Variants in FBN2 observed in about 807,000 individuals in gnomAD.
FBN2 encodes fibrillin-2.
A neutral mutation model predicts 355.6 loss-of-function variants in FBN2; 105 were observed. The observed-to-expected ratio is 0.30, with a 90% CI of 0.25 to 0.35. FBN2 has a LOEUF of 0.35. FBN2 is among the 10% of genes least tolerant of loss of function. The probability of loss-of-function intolerance (pLI) is 1.00; values close to 1 mark genes in which losing one functional copy is unlikely to be tolerated. For missense variants in FBN2, 3,280 were observed against 3,758.7 expected, an observed-to-expected ratio of 0.87 and a Z score of 3.33; for synonymous variants, 1,350 against 1,301.2, an observed-to-expected ratio of 1.04 and a Z score of -0.81.
intron 55 of FBN2, among the ~76,000 whole-genome samples, chr5:128,285,887 C>T (rs1749133742): frequency 1.3e-5 from 2 of 152,142 alleles, no homozygotes; most frequent in Non-Finnish European, 2.9e-5. Flanking sequence ...TTTAGCCAAT[C>T]TGATTAAACA....
At chr5:128,468,302 T>C (rs1186588994) in intron 5 of FBN2, among the ~76,000 whole-genome samples, 2 of 152,342 alleles carry the variant, frequency 1.3e-5, no homozygotes, top group Admixed American at 6.5e-5. Context: ...TAAATTTCCA[T>C]TGTATGGCTG....
chr5:128,472,546 C>T (rs1474803509), intron 5 of FBN2, among the ~76,000 whole-genome samples: 2 of 152,058 alleles, frequency 1.3e-5, no homozygotes, highest in Non-Finnish European at 2.9e-5. Flanking sequence ...AATCTCAGCA[C>T]TTTGGGAGGT....
chr5:128,287,920 T>C (rs1346179024), intron 53 of FBN2, among the ~76,000 whole-genome samples: 1 of 152,188 alleles, frequency 6.6e-6, no homozygotes, highest in Non-Finnish European at 1.5e-5. Flanking sequence ...TCAAGTGGCA[T>C]GACTGTACTA....
rs1751532352 is a variant in FBN2, at chr5:128,357,499, T to C, written c.2555-104A>G. ...CCAGAATGTCTGGTAAACTTGGCTCTGGTAATTTTAATATGGATCTATGAA... is the reference window on the plus strand; with the variant it reads ...CCAGAATGTCTGGTAAACTTGGCTCCGGTAATTTTAATATGGATCTATGAA... On this transcript the variant is annotated intron_variant, in intron 19 of 64. Coordinates refer to ENST00000262464, the MANE Select transcript of FBN2 (RefSeq NM_001999.4). The C allele has an allele frequency of 2.1e-6, 3 of 1,408,298 alleles. No homozygotes were observed. The East Asian group carries it at 6.9e-5, about 32-fold the overall frequency. 87.2% of individuals were successfully genotyped at this position (1,408,298 alleles called of 1,614,324 possible). A position where few individuals can be genotyped will look rare whatever the true frequency, so the allele number is the denominator to read the frequency against.
chr5:128,482,497 A>C (rs574599583), intron 5 of FBN2, among the ~76,000 whole-genome samples: 2 of 152,172 alleles, frequency 1.3e-5, no homozygotes, highest in East Asian at 3.8e-4. Flanking sequence ...CTTTTTTGCA[A>C]CCAAGACCCT....
rs760667569 is a variant in FBN2 at position 128,392,122 on chromosome 5, T to G, written c.1499A>C (p.His500Pro). 4.3e-6 allele frequency: 7 copies of G among 1,613,708 alleles called. 1 individual carries two copies. In the South Asian group the frequency reaches 7.7e-5, roughly 18 times the overall value. The change falls in exon 11 of 65, where the codon CAT becomes CCT. Residue 500 changes from histidine to proline, a missense_variant. Physicochemically the swap from His to Pro is moderately conservative, Grantham distance 77. This residue lies in a region of FBN2 where 343 missense variants were observed against 331.0 expected (regional missense o/e 1.04). Coordinates refer to ENST00000262464, the MANE Select transcript of FBN2 (RefSeq NM_001999.4). ...TCCATTTAAACAAAGGTTAGCATGA[T>G]GCTTACAGATATCTATTGTCTGGTT... ...ILNQTIDICK[H>P]HANLCLNGRC...
chr5:128,293,195 C>T (rs779777482), intron 48 of FBN2, among the ~76,000 whole-genome samples: 2 of 152,144 alleles, frequency 1.3e-5, no homozygotes, highest in Non-Finnish European at 2.9e-5. Context: ...AGATACTAGT[C>T]TGAAGAAAAT....
At chr5:128,526,809 T>C (rs992534342) in intron 4 of FBN2, among the ~76,000 whole-genome samples, 57 of 152,066 alleles carry the variant, frequency 3.7e-4, no homozygotes, top group African/African-American at 1.4e-3. Context: ...TGGATGGTGG[T>C]GATGGTTACA....
intron 5 of FBN2, among the ~76,000 whole-genome samples, chr5:128,512,512 CAA>C (rs1158661549): frequency 1.3e-4 from 8 of 60,684 alleles, no homozygotes; most frequent in Admixed American, 4.0e-4. Flanking sequence ...GAACCCGTCT[CAA>C]AAAAAAAAAA....
At chr5:128,405,178 G>A (rs1457316520) in intron 8 of FBN2, among the ~76,000 whole-genome samples, 1 of 152,130 alleles carries the variant, frequency 6.6e-6, no homozygotes, top group Non-Finnish European at 1.5e-5. Context: ...GGGTGACACA[G>A]CTAGACTCCA....
At chr5:128,350,031 A>C in intron 21 of FBN2, 26 bp from the exon 22 acceptor site, 1 of 1,589,304 alleles carries the variant, frequency 6.3e-7, no homozygotes, top group South Asian at 1.1e-5. Flanking sequence ...GACAAATTTT[A>C]CTTCATTATA....
At chr5:128,478,339 G>A (rs777782775) in intron 5 of FBN2, among the ~76,000 whole-genome samples, 4 of 152,130 alleles carry the variant, frequency 2.6e-5, no homozygotes, top group Non-Finnish European at 5.9e-5. Context: ...TTTGCTGTCA[G>A]CTTTTTAAAA....
At chr5:128,393,428 C>T (rs1752574022) in intron 9 of FBN2, 60 bp from the exon 10 acceptor site, 1 of 1,411,448 alleles carries the variant, frequency 7.1e-7, no homozygotes. Flanking sequence ...TAACAAAAGC[C>T]ATTGGTACAC....
rs757682009 is a variant in FBN2, at chr5:128,338,973, T to C, written c.3432A>G (p.Glu1144=). 8 of 1,613,986 alleles carry C rather than the reference T, an allele frequency of 5.0e-6. No individual in the cohort carries two copies. The Admixed American group carries it at 1.2e-4, about 24-fold the overall frequency. The change falls in exon 26 of 65, where the codon GAA becomes GAG. Residue 1144 remains glutamate (E), a synonymous_variant. Coordinates refer to ENST00000262464, the MANE Select transcript of FBN2 (RefSeq NM_001999.4). The stretch of plus-strand genomic sequence containing the variant: ...TCATCATGAAGCCACTTTCATAGCC[T>C]TCGAAGCACTCGCACTCAAAGCTGC... ...TPGSFECECF[E]GYESGFMMMK... is the part of the protein sequence containing the mutation.
rs191665573 is a variant in FBN2 at position 128,267,741 on chromosome 5, T to G, written c.7961-4085A>C. ...ATTAGACCTGTGTCAGATGGGTAGA[T>G]TGCAAACATTTTCTTCCATTCTGTA... On this transcript the variant is annotated intron_variant, in intron 62 of 64. Transcript: ENST00000262464. Among the ~76,000 whole-genome samples, 15 of 152,334 alleles carry G rather than the reference T, an allele frequency of 9.8e-5. No individual in the cohort carries two copies. The East Asian group carries it at 2.7e-3, about 27-fold the overall frequency.
At chr5:128,307,758 A>G (rs468200) in intron 41 of FBN2, among the ~76,000 whole-genome samples, 120,116 of 151,618 alleles carry the variant, frequency 0.79, 47,857 homozygotes, top group East Asian at 0.93. Context: ...GACTATAAGA[A>G]GTATTCTTAC....
At chr5:128,452,418 C>A (rs1432802537) in intron 6 of FBN2, among the ~76,000 whole-genome samples, 4 of 152,096 alleles carry the variant, frequency 2.6e-5, no homozygotes, top group African/African-American at 9.7e-5. Context: ...AATAATGTAA[C>A]AAAGCAACAA....
intron 36 of FBN2, among the ~76,000 whole-genome samples, chr5:128,317,633 T>C (rs1008395483): frequency 1.3e-5 from 2 of 152,020 alleles, no homozygotes; most frequent in Non-Finnish European, 2.9e-5. Flanking sequence ...TGGACAATTG[T>C]TTTTTTAAGA....
At chr5:128,384,117 A>G (rs758613094) in intron 11 of FBN2, among the ~76,000 whole-genome samples, 15 of 152,160 alleles carry the variant, frequency 9.9e-5, no homozygotes, top group Non-Finnish European at 5.9e-5. Context: ...AAAGAAATAA[A>G]TGATTTTTCC....
Sources: allele counts gnomAD v4.1 joint callset (sites outside exome capture counted in the v4.1 genomes callset), GRCh38; gene constraint gnomAD v4.1.1; regional missense constraint gnomAD v4.1.1; transcripts MANE v1.5; gene names NCBI Gene and HGNC (gene_info 2026-07-23, HGNC 2026-07-21).